SERINC5: variants seen among roughly 807,000 people sequenced by gnomAD.
SERINC5 encodes the protein chromosome 5 open reading frame 12.
In SERINC5, 41 loss-of-function variants were observed where a neutral mutation model predicts 63.1. The ratio of observed to expected loss-of-function variants is 0.65; its 90% CI spans 0.51 to 0.84. SERINC5 has a LOEUF of 0.84. Among genes scored for constraint, SERINC5 ranks in the 40% least tolerant of loss-of-function variants. The probability of loss-of-function intolerance (pLI) is 0.00; values close to 1 mark genes in which losing one functional copy is unlikely to be tolerated. For missense variants in SERINC5, 523 were observed against 573.0 expected (o/e 0.91, Z 0.89); for synonymous variants, 222 against 215.2 (o/e 1.03, Z -0.28).
chr5:80,142,339 T>C lies in SERINC5; in HGVS notation c.*1324A>G. On this transcript the variant is annotated 3_prime_UTR_variant, in exon 12 of 12. Transcript: ENST00000507668. ...ACCTCCGCCTCCCGGGTTCAAGTGATTCTCATGCCTCAGCCTTCGAGTAGC... is the reference window on the plus strand; with the variant it reads ...ACCTCCGCCTCCCGGGTTCAAGTGACTCTCATGCCTCAGCCTTCGAGTAGC... 1 of 932,190 alleles carries C rather than the reference T, an allele frequency of 1.1e-6. No individual in the cohort carries two copies. Among genetic ancestry groups the C allele is most frequent in the Non-Finnish European group, 1.3e-6 (1 of 781,412 alleles). 57.7% of individuals were successfully genotyped at this position (932,190 alleles called of 1,614,324 possible).
chr5:80,245,102 C>CT (rs1371439788), intron 1 of SERINC5, among the ~76,000 whole-genome samples: 1 of 152,222 alleles, frequency 6.6e-6, no homozygotes, highest in Non-Finnish European at 1.5e-5. Flanking sequence ...CTTTATTTCC[C>CT]TGTTGGCTAC....
At chr5:80,224,090 G>C (rs1580188977) in intron 1 of SERINC5, among the ~76,000 whole-genome samples, 1 of 139,636 alleles carries the variant, frequency 7.2e-6, no homozygotes, top group East Asian at 2.1e-4. Context: ...TGGAGATCCT[G>C]TCATTGCACT....
intron 1 of SERINC5, among the ~76,000 whole-genome samples, chr5:80,245,554 G>A (rs1022586160): frequency 6.6e-6 from 1 of 152,090 alleles, no homozygotes; most frequent in Non-Finnish European, 1.5e-5. Context: ...GCACAAGCAG[G>A]GCTAGCTACA....
intron 4 of SERINC5, among the ~76,000 whole-genome samples, chr5:80,177,103 C>A (rs1452553931): frequency 6.6e-6 from 1 of 152,074 alleles, no homozygotes; most frequent in African/African-American, 2.4e-5. Flanking sequence ...TCCTCTTACA[C>A]CCTACCTGGA....
chr5:80,191,880 A>G (rs1207267452), intron 2 of SERINC5, among the ~76,000 whole-genome samples: 1 of 152,152 alleles, frequency 6.6e-6, no homozygotes, highest in Non-Finnish European at 1.5e-5. Context: ...CTCTGAGCAC[A>G]ATGTTCAGGT....
chr5:80,246,005 A>AT lies in SERINC5; in HGVS notation c.27+9890dup, dbSNP rs533022530. Among the ~76,000 whole-genome samples, 88 of 148,362 alleles carry AT rather than the reference A, an allele frequency of 5.9e-4. 2 individuals are homozygous for AT. Among genetic ancestry groups the AT allele is most frequent in the Admixed American group, 5.0e-3 (75 of 15,044 alleles). On this transcript the variant is annotated intron_variant, in intron 1 of 11. Coordinates refer to ENST00000507668, the MANE Select transcript of SERINC5 (RefSeq NM_001174072.3). ...AAAAAAAAGAGTAACAGCTAACAAA[A>AT]TAAGTCCAACAAAGTCCTAGAGTCC... is the stretch of plus-strand genomic sequence containing the variant.
chr5:80,209,100 G>A (rs979246086), intron 1 of SERINC5, among the ~76,000 whole-genome samples: 5 of 152,186 alleles, frequency 3.3e-5, no homozygotes, highest in African/African-American at 4.8e-5. Flanking sequence ...GCAACACCCC[G>A]TCTCTACTAA....
chr5:80,246,536 C>G (rs1327864288), intron 1 of SERINC5, among the ~76,000 whole-genome samples: 4 of 152,170 alleles, frequency 2.6e-5, no homozygotes, highest in Non-Finnish European at 4.4e-5. Context: ...TGTAACCTTA[C>G]TTCAAAAACC....
chr5:80,222,563 TGTGTGA>T (rs896975929), intron 1 of SERINC5, among the ~76,000 whole-genome samples: 14 of 146,058 alleles, frequency 9.6e-5, no homozygotes, highest in Non-Finnish European at 1.5e-4. Flanking sequence ...AGTGTGTGAG[TGTGTGA>T]GTGTGTGTGT....
At chr5:80,186,267 G>C (rs1407795905) in intron 2 of SERINC5, among the ~76,000 whole-genome samples, 4 of 152,034 alleles carry the variant, frequency 2.6e-5, no homozygotes, top group East Asian at 3.9e-4. Flanking sequence ...CTCCCGAGTA[G>C]CTGGGATTAC....
chr5:80,186,642 G>C (rs961657896), intron 2 of SERINC5, among the ~76,000 whole-genome samples: 13 of 152,250 alleles, frequency 8.5e-5, no homozygotes, highest in African/African-American at 3.1e-4. Context: ...ACGTAATTTT[G>C]TTTACACAGG....
chr5:80,252,880 G>A (rs1236123119), intron 1 of SERINC5, among the ~76,000 whole-genome samples: 1 of 152,144 alleles, frequency 6.6e-6, no homozygotes, highest in Non-Finnish European at 1.5e-5. Context: ...GTTACATATT[G>A]TTCAGGATGG....
At position 80,149,353 on chromosome 5, in the gene SERINC5, T is replaced by C. The variant is rs568098991; in HGVS notation, c.1053+1529A>G. Among the ~76,000 whole-genome samples the C allele has an allele frequency of 1.2e-4, 17 of 145,808 alleles. No homozygotes were observed. In the East Asian group the frequency reaches 1.9e-3, roughly 16 times the overall value. On this transcript the variant is annotated intron_variant, in intron 9 of 11. Transcript: ENST00000507668. ...TCAAACTCAGCACAATTTTCTCCTTTAGGCAACAGAAAGAGTTGGTGAATG... is the reference window on the plus strand; with the variant it reads ...TCAAACTCAGCACAATTTTCTCCTTCAGGCAACAGAAAGAGTTGGTGAATG...
chr5:80,180,218 T>C (rs1748326521), intron 2 of SERINC5, among the ~76,000 whole-genome samples: 1 of 152,222 alleles, frequency 6.6e-6, no homozygotes, highest in Non-Finnish European at 1.5e-5. Flanking sequence ...AGCACATTCC[T>C]AGTAATGTCA....
chr5:80,240,523 T>C (rs1319980758), intron 1 of SERINC5, among the ~76,000 whole-genome samples: 2 of 152,370 alleles, frequency 1.3e-5, no homozygotes, highest in Non-Finnish European at 2.9e-5. Flanking sequence ...ATTGTGCAGT[T>C]CTGCTTAATG....
chr5:80,250,122 A>G (rs772071177), intron 1 of SERINC5, among the ~76,000 whole-genome samples: 19 of 152,218 alleles, frequency 1.2e-4, no homozygotes, highest in Non-Finnish European at 2.5e-4. Context: ...TCTGCTTATA[A>G]GAAGAGAGGA....
chr5:80,225,683 C>A (rs955600003), intron 1 of SERINC5, among the ~76,000 whole-genome samples: 1 of 152,130 alleles, frequency 6.6e-6, no homozygotes, highest in Non-Finnish European at 1.5e-5. Context: ...TTCCATACTG[C>A]CTTAAAAGAG....
intron 1 of SERINC5, among the ~76,000 whole-genome samples, chr5:80,219,899 G>A (rs1009190689): frequency 9.9e-5 from 15 of 151,824 alleles, no homozygotes; most frequent in African/African-American, 3.4e-4. Flanking sequence ...AACCAAGTAC[G>A]GGAGTACAGA....
rs200884101 is a variant in SERINC5 at position 80,180,049 on chromosome 5, AT to A, written c.196-1986del. On this transcript the variant is annotated intron_variant, in intron 2 of 11. Coordinates refer to ENST00000507668, the MANE Select transcript of SERINC5 (RefSeq NM_001174072.3). ...TTTTTTTTCTCTGAATTGGCTGTTA[AT>A]TGGGTATTTTCTTGATCCACTGGAG... Among the ~76,000 whole-genome samples, 573 of 152,282 alleles carry A rather than the reference AT, an allele frequency of 3.8e-3. 2 individuals carry two copies. Among genetic ancestry groups the A allele is most frequent in the Middle Eastern group, 0.031 (9 of 294 alleles).
Sources: gnomAD v4.1 joint callset for allele counts (sites outside exome capture counted in the v4.1 genomes callset) on GRCh38, gnomAD v4.1.1 for gene constraint, MANE v1.5 for transcripts, NCBI Gene and HGNC (gene_info 2026-07-23, HGNC 2026-07-21) for gene names.